Variants in HMOX2 observed in about 807,000 individuals in gnomAD.
The protein encoded by HMOX2 is heme oxygenase (decycling) 2.
Under a neutral mutation model 33.7 loss-of-function variants are expected in HMOX2, and 30 were observed. That is an observed-to-expected ratio of 0.89 (90% CI 0.67 to 1.21). The LOEUF is 1.21. HMOX2 is among the 50% of genes most tolerant of loss of function. The probability of loss-of-function intolerance (pLI) is 0.00; values close to 1 mark genes in which losing one functional copy is unlikely to be tolerated. For missense variants in HMOX2, 403 were observed against 399.1 expected, an observed-to-expected ratio of 1.01 and a Z score of -0.08; for synonymous variants, 155 against 155.0, an observed-to-expected ratio of 1.00 and a Z score of 0.00.
intron 1 of HMOX2, among the ~76,000 whole-genome samples, chr16:4,497,227 A>T (rs2058443636): frequency 6.6e-6 from 1 of 152,156 alleles, no homozygotes; most frequent in South Asian, 2.1e-4. Flanking sequence ...GACTCCACTT[A>T]TCCACACGAC....
At chr16:4,491,238 C>T (rs2058298211) in intron 1 of HMOX2, among the ~76,000 whole-genome samples, 1 of 152,196 alleles carries the variant, frequency 6.6e-6, no homozygotes, top group Non-Finnish European at 1.5e-5. Flanking sequence ...AAAGTGTGTC[C>T]TGTCTTCCAT....
chr16:4,475,469 G>A (rs1035206534), upstream of HMOX2, among the ~76,000 whole-genome samples: 1 of 151,344 alleles, frequency 6.6e-6, no homozygotes, highest in South Asian at 2.1e-4. Context: ...CACCATGCCC[G>A]GCTAAAATTT....
chr16:4,507,024 G>A lies in HMOX2; in HGVS notation c.204+12G>A, dbSNP rs200587307. On this transcript the variant is annotated intron_variant, in intron 3 of 5. Coordinates refer to ENST00000570646, the MANE Select transcript of HMOX2 (RefSeq NM_002134.4). ...AGGAGCTGTTTAAGGTTTGTGCCCC[G>A]CATTGGGTTCCAGACTGTCATATGG... 277 of 1,548,366 alleles carry A rather than the reference G, an allele frequency of 1.8e-4. 1 individual carries two copies. The highest frequency in any genetic ancestry group is 8.7e-4 in the East Asian group (39 of 44,600).
chr16:4,491,101 G>A (rs758606751), intron 1 of HMOX2, among the ~76,000 whole-genome samples: 4 of 152,194 alleles, frequency 2.6e-5, no homozygotes, highest in Non-Finnish European at 5.9e-5. Context: ...GGCCCCCAGT[G>A]GAGAAACACT....
In HMOX2 at chr16:4,507,882, T is replaced by C; in HGVS notation, c.374T>C (p.Val125Ala). The C allele has an allele frequency of 6.2e-7, 1 of 1,614,102 alleles. No individual in the cohort carries two copies. The highest frequency in any genetic ancestry group is 8.5e-7 in the Non-Finnish European group (1 of 1,180,032). The change falls in exon 4 of 6, where the codon GTG (valine) becomes GCG (alanine). Residue 125 changes from valine (V) to alanine (A), a missense_variant. Transcript: ENST00000570646. Reference sequence around the variant, plus strand: ...TTTGGTGAAAACTGGGAGGAGCAGGTGCAGTGCCCCAAGGCTGCCCAGAAG... The same window carrying C: ...TTTGGTGAAAACTGGGAGGAGCAGGCGCAGTGCCCCAAGGCTGCCCAGAAG... ...YFFGENWEEQVQCPKAAQKYV... is the reference protein window; with the variant it reads ...YFFGENWEEQAQCPKAAQKYV...
chr16:4,476,796 C>G (rs371437738), intron 1 of HMOX2: 302 of 152,364 alleles, frequency 2.0e-3, no homozygotes, highest in African/African-American at 7.0e-3. Context: ...TTTGGCGTCC[C>G]CGTTGGGCCC....
chr16:4,496,880 A>C (rs964439482), intron 1 of HMOX2: 1 of 150,238 alleles, frequency 6.7e-6, no homozygotes, highest in Non-Finnish European at 1.5e-5. Context: ...TTTTTTGTAG[A>C]GACGGGGGGT....
chr16:4,505,729 C>G (rs1022383949), intron 2 of HMOX2, 119 bp downstream of exon 2: 1 of 674,740 alleles, frequency 1.5e-6, no homozygotes. Context: ...AGCTCTGGAC[C>G]CCTGGGTGCC....
intron 1 of HMOX2, among the ~76,000 whole-genome samples, chr16:4,478,666 G>A (rs17880631): frequency 3.3e-5 from 5 of 151,912 alleles, no homozygotes; most frequent in Admixed American, 6.6e-5. Context: ...TTGGGAGGCC[G>A]AGGCAGGAGA....
intron 1 of HMOX2, among the ~76,000 whole-genome samples, chr16:4,489,491 G>A (rs1341137356): frequency 6.6e-6 from 1 of 152,032 alleles, no homozygotes; most frequent in African/African-American, 2.4e-5. Flanking sequence ...ACAGAGTCCT[G>A]CTGTGTCACA....
intron 1 of HMOX2, among the ~76,000 whole-genome samples, chr16:4,493,705 T>A (rs1055749805): frequency 6.6e-6 from 1 of 152,208 alleles, no homozygotes; most frequent in South Asian, 2.1e-4. Context: ...GCTCAGGCTC[T>A]AGAGATCATT....
chr16:4,506,471 AG>A (rs1301293524), intron 2 of HMOX2, among the ~76,000 whole-genome samples: 1 of 152,222 alleles, frequency 6.6e-6, no homozygotes, highest in Non-Finnish European at 1.5e-5. Context: ...CCATGGTCAC[AG>A]CCTTACTGAG....
intron 1 of HMOX2, among the ~76,000 whole-genome samples, chr16:4,480,175 G>C (rs2057982800): frequency 6.6e-6 from 1 of 151,624 alleles, no homozygotes; most frequent in Non-Finnish European, 1.5e-5. Context: ...AGCCTTCCAA[G>C]TAACTGGGAC....
At chr16:4,482,678 AGAACTCAG>A (rs1238618266) in intron 1 of HMOX2, among the ~76,000 whole-genome samples, 1 of 152,194 alleles carries the variant, frequency 6.6e-6, no homozygotes, top group Non-Finnish European at 1.5e-5. Context: ...AGTGGGTCAC[AGAACTCAG>A]GAAAACACTT....
intron 1 of HMOX2, among the ~76,000 whole-genome samples, chr16:4,481,106 G>C (rs2058016023): frequency 6.6e-6 from 1 of 151,644 alleles, no homozygotes; most frequent in Non-Finnish European, 1.5e-5. Context: ...CAGCACTTTG[G>C]GAGGCGGAGG....
Position 4,490,183 on chromosome 16 carries a change from C to T in HMOX2, c.-42+13696C>T, listed in dbSNP as rs1327576132. On this transcript the variant is annotated intron_variant, in intron 1 of 5. Coordinates refer to ENST00000570646, the MANE Select transcript of HMOX2 (RefSeq NM_002134.4). The stretch of plus-strand genomic sequence containing the variant: ...AGCTCTGAATATAATATCAGGCCTA[C>T]AATATTATCACTTATGTTGTTTTTT... Among the ~76,000 whole-genome samples the T allele has an allele frequency of 2.6e-5, 4 of 152,142 alleles. No individual in the cohort carries two copies. The East Asian group carries it at 5.8e-4, about 22-fold the overall frequency.
At chr16:4,488,574 T>C (rs1361171221) in intron 1 of HMOX2, 1 of 152,200 alleles carries the variant, frequency 6.6e-6, no homozygotes, top group Non-Finnish European at 1.5e-5. Flanking sequence ...AAAATGTACA[T>C]AGATACAGGA....
intron 1 of HMOX2, among the ~76,000 whole-genome samples, chr16:4,481,382 T>G (rs2058028975): frequency 6.7e-6 from 1 of 149,382 alleles, no homozygotes; most frequent in Admixed American, 6.7e-5. Context: ...AATAAAACAA[T>G]CTGGCATTAT....
intron 1 of HMOX2, among the ~76,000 whole-genome samples, chr16:4,492,465 A>T (rs111411774): frequency 4.6e-4 from 70 of 152,270 alleles, no homozygotes; most frequent in African/African-American, 1.6e-3. Context: ...CACAGCTATA[A>T]TCCCAGCACT....
Sources: allele counts gnomAD v4.1 joint callset (sites outside exome capture counted in the v4.1 genomes callset), GRCh38; gene constraint gnomAD v4.1.1; transcripts MANE v1.5; gene names NCBI Gene and HGNC (gene_info 2026-07-23, HGNC 2026-07-21).